ASCC1: variants seen among roughly 807,000 people sequenced by gnomAD.
ASCC1 encodes the protein ASC-1 complex subunit P50.
Under a neutral mutation model 46.6 loss-of-function variants are expected in ASCC1, and 35 were observed. That is an observed-to-expected ratio of 0.75 (90% CI 0.57 to 0.99). ASCC1 has a LOEUF of 0.99. Among genes scored for constraint, ASCC1 ranks in the 50% least tolerant of loss-of-function variants. The probability of loss-of-function intolerance (pLI) is 0.00; values close to 1 mark genes in which losing one functional copy is unlikely to be tolerated. For missense variants in ASCC1, 376 were observed against 428.7 expected, an observed-to-expected ratio of 0.88 and a Z score of 1.09; for synonymous variants, 143 against 146.6, an observed-to-expected ratio of 0.98 and a Z score of 0.18.
intron 4 of ASCC1, chr10:72,198,605 C>A (rs1232363033): frequency 2.2e-6 from 1 of 455,680 alleles, no homozygotes; most frequent in East Asian, 7.0e-5. Flanking sequence ...TCAAAACAGA[C>A]AAGACCAGAT....
chr10:72,200,125 G>T (rs1397829271), intron 4 of ASCC1, among the ~76,000 whole-genome samples: 2 of 152,012 alleles, frequency 1.3e-5, no homozygotes, highest in Non-Finnish European at 2.9e-5. Context: ...GTTCTGGAAT[G>T]AATCTAGTAT....
Position 72,096,282 on chromosome 10 carries a change from G to C in ASCC1, c.*1052C>G. On this transcript the variant is annotated 3_prime_UTR_variant, in exon 10 of 10. Transcript: ENST00000672957. ...CATTCCCGCCTCCCTCTGCTGGTCC[G>C]TGGTGAGGGAGGAGTGAGGGCCTCC... 1 of 454,076 alleles carries C rather than the reference G, an allele frequency of 2.2e-6. No homozygotes were observed. The highest frequency in any genetic ancestry group is 1.6e-5 in the South Asian group (1 of 64,472). The allele number at this position is 454,076 out of a possible 1,614,324, so 28.1% of individuals were successfully genotyped here.
chr10:72,211,523 A>T (rs566478744), intron 2 of ASCC1, among the ~76,000 whole-genome samples: 43 of 152,264 alleles, frequency 2.8e-4, no homozygotes, highest in Admixed American at 6.5e-4. Flanking sequence ...CCGGGAGGTG[A>T]GGCTGCAGTG....
Position 72,203,795 on chromosome 10 carries a change from T to C in ASCC1, c.213-271A>G, listed in dbSNP as rs977159841. Among the ~76,000 whole-genome samples, 5 of 152,200 alleles carry C rather than the reference T, an allele frequency of 3.3e-5. No homozygotes were observed. The South Asian group carries it at 1.0e-3, about 32-fold the overall frequency. ...CACCCGTTTGCTTCTCAAAATGAGA[T>C]TTAAAATCTGGGTCTGCAATAAAGT... On this transcript the variant is annotated intron_variant, in intron 3 of 9. Coordinates refer to ENST00000672957, the MANE Select transcript of ASCC1 (RefSeq NM_001198800.3).
chr10:72,132,859 C>G (rs1311299816), intron 8 of ASCC1, among the ~76,000 whole-genome samples, 198 bp downstream of exon 8: 2 of 152,074 alleles, frequency 1.3e-5, no homozygotes, highest in Non-Finnish European at 2.9e-5. Flanking sequence ...CTATGTGTGA[C>G]AGAAATAAAA....
intron 5 of ASCC1, among the ~76,000 whole-genome samples, chr10:72,193,622 T>C (rs550164365): frequency 2.6e-5 from 4 of 152,076 alleles, no homozygotes; most frequent in South Asian, 2.1e-4. Context: ...TTGTGGTAGT[T>C]ACAGAAATCT....
chr10:72,103,293 C>T lies in ASCC1; in HGVS notation c.958-5843G>A, dbSNP rs544058375. ...GACTACAGGCGCCTGCCACCGCACC[C>T]GGCTAATTTTTTGTATTTTTAGTAG... On this transcript the variant is annotated intron_variant, in intron 9 of 9. Transcript: ENST00000672957. Among the ~76,000 whole-genome samples, 76 of 151,836 alleles carry T rather than the reference C, an allele frequency of 5.0e-4. 2 individuals are homozygous for T. Among genetic ancestry groups the T allele is most frequent in the African/African-American group, 1.7e-3 (70 of 41,288 alleles).
At chr10:72,134,434 T>C (rs1845957049) in intron 7 of ASCC1, 1 of 152,338 alleles carries the variant, frequency 6.6e-6, no homozygotes, top group Non-Finnish European at 1.5e-5. Context: ...ATCACGTCTC[T>C]TAAAAAAAGA....
intron 5 of ASCC1, among the ~76,000 whole-genome samples, chr10:72,170,078 C>T (rs1430179238): frequency 6.6e-6 from 1 of 151,900 alleles, no homozygotes; most frequent in East Asian, 1.9e-4. Context: ...CAAGATCGTG[C>T]CATTGCACTA....
chr10:72,161,156 A>G (rs143936666), intron 6 of ASCC1, among the ~76,000 whole-genome samples: 7 of 151,732 alleles, frequency 4.6e-5, no homozygotes, highest in Non-Finnish European at 2.9e-5. Context: ...ATCGTGTTAT[A>G]ATGTTTGCAC....
intron 7 of ASCC1, among the ~76,000 whole-genome samples, chr10:72,145,774 G>A (rs1359311902): frequency 1.3e-5 from 2 of 152,116 alleles, no homozygotes; most frequent in Non-Finnish European, 2.9e-5. Flanking sequence ...AAACTACACT[G>A]GAGCAATGGC....
intron 5 of ASCC1, among the ~76,000 whole-genome samples, chr10:72,173,279 A>G (rs1001597771): frequency 6.6e-6 from 1 of 151,958 alleles, no homozygotes; most frequent in African/African-American, 2.4e-5. Context: ...TTATTCTTCA[A>G]CTTTCTCTTG....
chr10:72,214,640 G>C (rs1207507561), intron 1 of ASCC1, among the ~76,000 whole-genome samples: 1 of 151,972 alleles, frequency 6.6e-6, no homozygotes, highest in South Asian at 2.1e-4. Flanking sequence ...GTCTCCCAAA[G>C]TGCTGGGATT....
At chr10:72,215,303 G>A (rs940727544) in intron 1 of ASCC1, among the ~76,000 whole-genome samples, 4 of 152,230 alleles carry the variant, frequency 2.6e-5, no homozygotes, top group African/African-American at 9.6e-5. Context: ...GAAAGCTGAG[G>A]CACGAGAATG....
intron 5 of ASCC1, among the ~76,000 whole-genome samples, chr10:72,171,048 TGAGA>T (rs1445661912): frequency 2.0e-5 from 3 of 152,156 alleles, no homozygotes; most frequent in Non-Finnish European, 4.4e-5. Flanking sequence ...CTAAAGCAGT[TGAGA>T]AAGATAAAAA....
chr10:72,149,772 C>T (rs1284762377), intron 7 of ASCC1, among the ~76,000 whole-genome samples: 1 of 152,182 alleles, frequency 6.6e-6, no homozygotes, highest in African/African-American at 2.4e-5. Context: ...AAATTTCAAC[C>T]TGGCGGAAAT....
In ASCC1 at chr10:72,205,524, G is replaced by A. The variant is rs1194893388; in HGVS notation, c.213-2000C>T. 3.3e-5 allele frequency among the ~76,000 whole-genome samples: 5 copies of A among 151,936 alleles called. No homozygotes were observed. In the East Asian group the frequency reaches 5.8e-4, roughly 18 times the overall value. On this transcript the variant is annotated intron_variant, in intron 3 of 9. Coordinates refer to ENST00000672957, the MANE Select transcript of ASCC1 (RefSeq NM_001198800.3). ...CAGGTACCTGTAATCCCAACTACTC[G>A]GGAGGCTGAGGCAGGAGATTGCTTG...
intron 9 of ASCC1, among the ~76,000 whole-genome samples, chr10:72,099,346 T>C (rs991430971): frequency 6.6e-6 from 1 of 152,164 alleles, no homozygotes; most frequent in East Asian, 1.9e-4. Context: ...AACAGAAGAA[T>C]TGAGAGAGAT....
chr10:72,097,597 G>A (rs1382145866), intron 9 of ASCC1, 147 bp from the exon 10 acceptor site: 1 of 591,080 alleles, frequency 1.7e-6, no homozygotes, highest in Non-Finnish European at 3.1e-6. Flanking sequence ...TCTGAATAAT[G>A]ATCCAGGAGA....
Sources: allele counts gnomAD v4.1 joint callset (sites outside exome capture counted in the v4.1 genomes callset), GRCh38; gene constraint gnomAD v4.1.1; transcripts MANE v1.5; gene names NCBI Gene and HGNC (gene_info 2026-07-23, HGNC 2026-07-21).